Variants in EIF2AK2 observed in about 807,000 individuals in gnomAD.
The protein encoded by EIF2AK2 is interferon-induced, double-stranded RNA-activated protein kinase.
Under a neutral mutation model 70.5 loss-of-function variants are expected in EIF2AK2, and 40 were observed. The ratio of observed to expected loss-of-function variants is 0.57; its 90% CI spans 0.44 to 0.74. EIF2AK2 has a LOEUF of 0.74. Ranked by LOEUF, EIF2AK2 falls within the 30% of genes least tolerant of loss-of-function variation. The pLI is 0.00. For synonymous variants in EIF2AK2, 198 were observed against 220.9 expected (o/e 0.90, Z 0.92); for missense variants, 555 against 644.3 (o/e 0.86, Z 1.50).
intron 12 of EIF2AK2, among the ~76,000 whole-genome samples, chr2:37,120,702 C>T (rs1188459286): frequency 6.7e-6 from 1 of 148,808 alleles, no homozygotes; most frequent in Non-Finnish European, 1.5e-5. Context: ...GTGGCTCACG[C>T]CTATAATCCT....
At chr2:37,118,054 T>C (rs1674406934) in intron 13 of EIF2AK2, among the ~76,000 whole-genome samples, 1 of 152,110 alleles carries the variant, frequency 6.6e-6, no homozygotes, top group African/African-American at 2.4e-5. Context: ...ACACCTGGAA[T>C]GCCAGCACTT....
At chr2:37,135,697 T>G (rs566053926) in intron 9 of EIF2AK2, 151 bp from the exon 10 acceptor site, 13 of 630,592 alleles carry the variant, frequency 2.1e-5, no homozygotes, top group African/African-American at 1.5e-4. Flanking sequence ...GGTGTGATCA[T>G]AGCTCACTAC....
chr2:37,155,246 A>C (rs144249050), intron 1 of EIF2AK2, among the ~76,000 whole-genome samples: 120 of 152,182 alleles, frequency 7.9e-4, no homozygotes, highest in African/African-American at 2.7e-3. Flanking sequence ...TCAGCTCAAA[A>C]TCCCAGACAC....
chr2:37,146,423 C>T (rs922179312), intron 4 of EIF2AK2, among the ~76,000 whole-genome samples: 4 of 152,232 alleles, frequency 2.6e-5, no homozygotes, highest in African/African-American at 9.6e-5. Context: ...TTGGCATCCA[C>T]AGGGAGTCCT....
At chr2:37,148,771 C>T (rs1434840569) in intron 2 of EIF2AK2, 86 bp downstream of exon 2, 3 of 823,384 alleles carry the variant, frequency 3.6e-6, no homozygotes, top group Non-Finnish European at 6.5e-6. Flanking sequence ...TTAACATACA[C>T]AAAAAACTAG....
chr2:37,126,395 T>TAA lies in EIF2AK2; in HGVS notation c.800_801dup (p.Lys268LeufsTer4). The TAA allele has an allele frequency of 6.2e-7, 1 of 1,608,602 alleles. No individual in the cohort carries two copies. The highest frequency in any genetic ancestry group is 8.5e-7 in the Non-Finnish European group (1 of 1,178,458). ...CCTGAGCCAATTAATTCTATTTCTT[T>TAA]AAAATCCATGCCAAACCTTAAAGAT... On this transcript the variant is annotated frameshift_variant, in exon 11 of 17. Coordinates refer to ENST00000233057, the MANE Select transcript of EIF2AK2 (RefSeq NM_001135651.3). LOFTEE classifies it high-confidence loss of function.
At chr2:37,153,492 T>G (rs1395426885) in intron 1 of EIF2AK2, among the ~76,000 whole-genome samples, 2 of 151,904 alleles carry the variant, frequency 1.3e-5, no homozygotes, top group Non-Finnish European at 2.9e-5. Context: ...GGCGTGGGCA[T>G]GCCTGGTTAA....
intron 13 of EIF2AK2, among the ~76,000 whole-genome samples, chr2:37,119,694 C>G (rs1337401567): frequency 1.3e-5 from 2 of 151,398 alleles, no homozygotes; most frequent in Non-Finnish European, 2.9e-5. Context: ...CAGGTTCAAG[C>G]GAATCTCCTG....
Position 37,148,924 on chromosome 2 carries a change from C to G in EIF2AK2, c.-84G>C. 2 of 820,816 alleles carry G rather than the reference C, an allele frequency of 2.4e-6. No individual in the cohort carries two copies. Among genetic ancestry groups the G allele is most frequent in the East Asian group, 2.4e-5 (1 of 41,376 alleles). 50.8% of individuals were successfully genotyped at this position (820,816 alleles called of 1,614,324 possible). A position where few individuals can be genotyped will look rare whatever the true frequency, so the allele number is the denominator to read the frequency against. Reference sequence around the variant, plus strand: ...AAGTGTGGATGTTGATTCTGAAGACCGCCAGAGAAGCAAACCTGAGTCAGA... The same window carrying G: ...AAGTGTGGATGTTGATTCTGAAGACGGCCAGAGAAGCAAACCTGAGTCAGA... On this transcript the variant is annotated 5_prime_UTR_variant, in exon 2 of 17. Coordinates refer to ENST00000233057, the MANE Select transcript of EIF2AK2 (RefSeq NM_001135651.3).
At position 37,107,314 on chromosome 2, in the gene EIF2AK2, A is replaced by G. The variant is rs749801983; in HGVS notation, c.1615T>C (p.Trp539Arg). Residue 539 changes from tryptophan to arginine, a missense_variant, in exon 17 of 17, where the codon TGG becomes CGG. Physicochemically the swap from Trp to Arg is moderately radical, Grantham distance 101. Transcript: ENST00000233057. ...TCATTTTTCTCTGGGCTTTTCTTCC[A>G]CACAGTCAAGGTCCTTAGTATTTCA... ...TSEILRTLTVWKKSPEKNERH... is the reference protein window; with the variant it reads ...TSEILRTLTVRKKSPEKNERH... 3.7e-6 allele frequency: 6 copies of G among 1,613,732 alleles called. No individual in the cohort carries two copies. In the African/African-American group the frequency reaches 8.0e-5, roughly 22 times the overall value.
At chr2:37,142,506 T>A (rs1675370488) in intron 4 of EIF2AK2, among the ~76,000 whole-genome samples, 1 of 152,066 alleles carries the variant, frequency 6.6e-6, no homozygotes, top group South Asian at 2.1e-4. Context: ...TTATTTTTTA[T>A]TTCTTTTATA....
intron 6 of EIF2AK2, among the ~76,000 whole-genome samples, chr2:37,138,786 G>A (rs1444229168): frequency 6.6e-6 from 1 of 151,876 alleles, no homozygotes; most frequent in Non-Finnish European, 1.5e-5. Context: ...GGATCACAGG[G>A]CAGATATTTT....
At chr2:37,151,990 C>A (rs1043245292) in intron 1 of EIF2AK2, among the ~76,000 whole-genome samples, 2 of 152,230 alleles carry the variant, frequency 1.3e-5, no homozygotes, top group Admixed American at 1.3e-4. Context: ...GGCGTGAACC[C>A]GGCAGGCGGA....
intron 13 of EIF2AK2, among the ~76,000 whole-genome samples, chr2:37,117,367 G>T (rs537444863): frequency 3.7e-4 from 57 of 152,128 alleles, no homozygotes; most frequent in African/African-American, 1.2e-3. Context: ...GCAAAATCCT[G>T]TCTCCACAAA....
chr2:37,139,815 T>G, intron 5 of EIF2AK2, 58 bp from the exon 6 acceptor site: 1 of 1,532,016 alleles, frequency 6.5e-7, no homozygotes, highest in Non-Finnish European at 8.8e-7. Context: ...AAATCCAACT[T>G]AGGATTCAAA....
chr2:37,143,988 C>T (rs1675434462), intron 4 of EIF2AK2, among the ~76,000 whole-genome samples: 1 of 152,144 alleles, frequency 6.6e-6, no homozygotes, highest in South Asian at 2.1e-4. Context: ...TAATCATGTA[C>T]TACATAATCA....
At chr2:37,137,914 C>T (rs1442001065) in intron 8 of EIF2AK2, among the ~76,000 whole-genome samples, 2 of 151,934 alleles carry the variant, frequency 1.3e-5, no homozygotes, top group Non-Finnish European at 2.9e-5. Context: ...AGTTCGAGAC[C>T]AGCCTGAACA....
At chr2:37,107,716 C>A (rs1235608912) in intron 15 of EIF2AK2, among the ~76,000 whole-genome samples, 189 bp from the exon 16 acceptor site, 1 of 152,150 alleles carries the variant, frequency 6.6e-6, no homozygotes, top group African/African-American at 2.4e-5. Flanking sequence ...CCTTGCATTA[C>A]GACATGAAGT....
intron 12 of EIF2AK2, among the ~76,000 whole-genome samples, chr2:37,121,784 T>C (rs762218565): frequency 6.6e-6 from 1 of 152,126 alleles, no homozygotes; most frequent in African/African-American, 2.4e-5. Context: ...CAATAACTCC[T>C]GAACTGATGA....
Sources: gnomAD v4.1 joint callset for allele counts (sites outside exome capture counted in the v4.1 genomes callset) on GRCh38, gnomAD v4.1.1 for gene constraint, MANE v1.5 for transcripts, NCBI Gene and HGNC (gene_info 2026-07-23, HGNC 2026-07-21) for gene names.